Variants in SRRM4 observed in about 807,000 individuals in gnomAD.
SRRM4 encodes serine/arginine repetitive matrix protein 4.
In SRRM4, 33 loss-of-function variants were observed where a neutral mutation model predicts 68.9. That is an observed-to-expected ratio of 0.48 (90% CI 0.36 to 0.64). The LOEUF is 0.64. Among genes scored for constraint, SRRM4 ranks in the 30% least tolerant of loss-of-function variants. The pLI is 0.00. For synonymous variants in SRRM4, 318 were observed against 318.8 expected, an observed-to-expected ratio of 1.00 and a Z score of 0.03; for missense variants, 817 against 827.1, an observed-to-expected ratio of 0.99 and a Z score of 0.15.
At position 119,134,746 on chromosome 12, in the gene SRRM4, C is replaced by T. The variant is rs11064678; in HGVS notation, c.771+3912C>T. Among the ~76,000 whole-genome samples, 11 of 152,228 alleles carry T rather than the reference C, an allele frequency of 7.2e-5. No homozygotes were observed. The East Asian group carries it at 1.2e-3, about 16-fold the overall frequency. ...GCAGTACCCACAACGAACTAGTTATCGAATATTGTGAATGTCACTCCTGGC... is the reference window on the plus strand; with the variant it reads ...GCAGTACCCACAACGAACTAGTTATTGAATATTGTGAATGTCACTCCTGGC... On this transcript the variant is annotated intron_variant, in intron 8 of 12. Coordinates refer to ENST00000267260, the MANE Select transcript of SRRM4 (RefSeq NM_194286.4).
At chr12:119,135,415 G>A (rs527907384) in intron 8 of SRRM4, among the ~76,000 whole-genome samples, 3 of 152,188 alleles carry the variant, frequency 2.0e-5, no homozygotes, top group East Asian at 1.9e-4. Flanking sequence ...TACAAATGTC[G>A]AAACCAAAAA....
intron 1 of SRRM4, among the ~76,000 whole-genome samples, chr12:119,049,422 G>C (rs1270485905): frequency 1.3e-5 from 2 of 152,208 alleles, no homozygotes; most frequent in African/African-American, 4.8e-5. Flanking sequence ...GAGCCAATTT[G>C]TATGGCAACT....
intron 5 of SRRM4, among the ~76,000 whole-genome samples, chr12:119,120,651 C>T (rs1954213807): frequency 6.6e-6 from 1 of 152,210 alleles, no homozygotes; most frequent in South Asian, 2.1e-4. Flanking sequence ...GTATACTGGA[C>T]ACACTGGGTG....
At position 119,122,053 on chromosome 12, in the gene SRRM4, G is replaced by A; in HGVS notation, c.465-17G>A. 6.3e-7 allele frequency: 1 copy of A among 1,576,552 alleles called. No individual in the cohort carries two copies. The highest frequency in any genetic ancestry group is 8.7e-7 in the Non-Finnish European group (1 of 1,146,130). ...AGAATTTTGCATCTTTCAATTAATT[G>A]ACCATTTCTTGTTTAGCTCCTCTAG... On this transcript the variant is annotated splice_polypyrimidine_tract_variant and intron_variant, in intron 5 of 12. Transcript: ENST00000267260.
At chr12:119,148,349 C>G (rs1954417229) in intron 9 of SRRM4, among the ~76,000 whole-genome samples, 1 of 152,176 alleles carries the variant, frequency 6.6e-6, no homozygotes, top group South Asian at 2.1e-4. Flanking sequence ...TGACTGAGAA[C>G]CTGAGCTGGG....
intron 1 of SRRM4, among the ~76,000 whole-genome samples, chr12:119,016,463 AAAAAAGAAAAAG>A (rs201910015): frequency 2.0e-4 from 30 of 151,844 alleles, no homozygotes; most frequent in Admixed American, 3.3e-4. Context: ...TTAAAAAAAA[AAAAAAGAAAAAG>A]AAAAAGAAAA....
intron 1 of SRRM4, among the ~76,000 whole-genome samples, chr12:119,071,764 T>C (rs560501270): frequency 6.6e-6 from 1 of 152,314 alleles, no homozygotes; most frequent in East Asian, 1.9e-4. Context: ...AGCTGTGAGA[T>C]TCATCATGCC....
intron 6 of SRRM4, among the ~76,000 whole-genome samples, chr12:119,123,451 G>T (rs1170131516): frequency 6.6e-6 from 1 of 152,034 alleles, no homozygotes; most frequent in Non-Finnish European, 1.5e-5. Flanking sequence ...GGGCCCCAGG[G>T]TAGGCAGCCA....
chr12:119,130,446 GTTAA>G (rs1954290044), intron 7 of SRRM4, among the ~76,000 whole-genome samples: 4 of 145,066 alleles, frequency 2.8e-5, no homozygotes, highest in South Asian at 2.2e-4. Context: ...TGGATGGATG[GTTAA>G]ATGGATGAAT....
intron 1 of SRRM4, among the ~76,000 whole-genome samples, chr12:119,010,458 C>A (rs1204846589): frequency 6.6e-6 from 1 of 152,172 alleles, no homozygotes; most frequent in African/African-American, 2.4e-5. Flanking sequence ...GGGGTTTGTC[C>A]ACTTTGAGAG....
At chr12:119,080,409 C>T (rs1953940896) in intron 1 of SRRM4, among the ~76,000 whole-genome samples, 1 of 152,046 alleles carries the variant, frequency 6.6e-6, no homozygotes. Context: ...TAAGGTATTA[C>T]CTGTTATTAT....
chr12:119,031,659 C>T (rs915621662), intron 1 of SRRM4, among the ~76,000 whole-genome samples: 1 of 152,096 alleles, frequency 6.6e-6, no homozygotes, highest in African/African-American at 2.4e-5. Flanking sequence ...AAAAACCTAG[C>T]TGCCTAAAGG....
At chr12:119,020,776 A>C (rs1200141359) in intron 1 of SRRM4, among the ~76,000 whole-genome samples, 1 of 152,206 alleles carries the variant, frequency 6.6e-6, no homozygotes, top group Non-Finnish European at 1.5e-5. Context: ...TTTTATATCA[A>C]AATCACAGAA....
At chr12:119,082,319 C>T (rs1022837379) in intron 1 of SRRM4, among the ~76,000 whole-genome samples, 22 of 152,134 alleles carry the variant, frequency 1.4e-4, no homozygotes, top group Middle Eastern at 3.2e-3. Context: ...GCCTCCACCA[C>T]GCTGGCCTCA....
rs189561760 is a variant in SRRM4 at position 119,063,877 on chromosome 12, G to T, written c.132-38359G>T. Among the ~76,000 whole-genome samples the T allele has an allele frequency of 5.9e-5, 9 of 152,238 alleles. No homozygotes were observed. In the East Asian group the frequency reaches 1.5e-3, roughly 26 times the overall value. On this transcript the variant is annotated intron_variant, in intron 1 of 12. Coordinates refer to ENST00000267260, the MANE Select transcript of SRRM4 (RefSeq NM_194286.4). ...GGGAGAGACAGAAACAGAGAGAGAT[G>T]GGGAAATTGAGATCAGTGGAGCCTC... is the stretch of plus-strand genomic sequence containing the variant.
chr12:119,138,459 T>C (rs1179976348), intron 8 of SRRM4, among the ~76,000 whole-genome samples: 3 of 152,140 alleles, frequency 2.0e-5, no homozygotes. Context: ...TTTCTCTGCC[T>C]GTTTGGCAGT....
At chr12:119,080,360 T>C (rs2136031028) in intron 1 of SRRM4, among the ~76,000 whole-genome samples, 1 of 152,220 alleles carries the variant, frequency 6.6e-6, no homozygotes, top group Non-Finnish European at 1.5e-5. Flanking sequence ...AATTAACATA[T>C]ATATATTGCA....
At chr12:118,992,306 C>T (rs748883793) in intron 1 of SRRM4, 1 of 152,164 alleles carries the variant, frequency 6.6e-6, no homozygotes, top group Admixed American at 6.5e-5. Context: ...TCTCTGGTGA[C>T]CCCACCCACG....
At chr12:119,079,426 T>A (rs944341066) in intron 1 of SRRM4, among the ~76,000 whole-genome samples, 1 of 152,074 alleles carries the variant, frequency 6.6e-6, no homozygotes, top group Non-Finnish European at 1.5e-5. Context: ...AGGAGAGAGA[T>A]GGGAGACAGA....
Sources: allele counts gnomAD v4.1 joint callset (sites outside exome capture counted in the v4.1 genomes callset), GRCh38; gene constraint gnomAD v4.1.1; transcripts MANE v1.5; gene names NCBI Gene and HGNC (gene_info 2026-07-23, HGNC 2026-07-21).